The following ZNF700 variants were observed in gnomAD, a reference collection of about 807,000 sequenced individuals.
ZNF700 encodes the protein zinc finger protein 700.
A neutral mutation model predicts 65.3 loss-of-function variants in ZNF700; 38 were observed. That is an observed-to-expected ratio of 0.58 (90% CI 0.45 to 0.76). ZNF700 has a LOEUF of 0.76. ZNF700 is among the 30% of genes least tolerant of loss of function. The probability of loss-of-function intolerance (pLI) is 0.00; values close to 1 mark genes in which losing one functional copy is unlikely to be tolerated. For missense variants in ZNF700, 857 were observed against 888.4 expected (o/e 0.96, Z 0.45); for synonymous variants, 285 against 290.4 (o/e 0.98, Z 0.19).
intron 1 of ZNF700, among the ~76,000 whole-genome samples, chr19:11,943,462 C>T (rs185128117): frequency 8.5e-5 from 13 of 152,258 alleles, no homozygotes; most frequent in South Asian, 4.1e-4. Flanking sequence ...CCATATGATC[C>T]GGTTGAGCAT....
At chr19:11,944,147 T>A (rs1363227495) in intron 1 of ZNF700, among the ~76,000 whole-genome samples, 3 of 152,188 alleles carry the variant, frequency 2.0e-5, no homozygotes, top group Non-Finnish European at 4.4e-5. Flanking sequence ...GTTTCTCGTT[T>A]ACCTAGGCTG....
At chr19:11,926,699 T>G (rs1972634379) in intron 1 of ZNF700, 2 of 154,262 alleles carry the variant, frequency 1.3e-5, no homozygotes, top group South Asian at 4.1e-4. Flanking sequence ...AGAGGTATGT[T>G]TTTATTTTTA....
chr19:11,927,286 A>G (rs960910899), intron 1 of ZNF700, among the ~76,000 whole-genome samples: 1 of 152,068 alleles, frequency 6.6e-6, no homozygotes, highest in African/African-American at 2.4e-5. Context: ...CCCCAGAGGC[A>G]GAGGTTGCAG....
intron 1 of ZNF700, among the ~76,000 whole-genome samples, chr19:11,928,656 C>T (rs1423663465): frequency 7.0e-6 from 1 of 142,360 alleles, no homozygotes; most frequent in Non-Finnish European, 1.5e-5. Context: ...GGCGTGAACC[C>T]GGGAGGCGGA....
At chr19:11,947,772 G>A (rs1358239461) in intron 3 of ZNF700, among the ~76,000 whole-genome samples, 198 bp downstream of exon 3, 1 of 152,216 alleles carries the variant, frequency 6.6e-6, no homozygotes, top group African/African-American at 2.4e-5. Flanking sequence ...TTGAGAAGTG[G>A]AGATAGGAGG....
chr19:11,925,327 G>A, intron 1 of ZNF700, 54 bp downstream of exon 1: 7 of 1,600,796 alleles, frequency 4.4e-6, no homozygotes, highest in Non-Finnish European at 6.0e-6. Context: ...CCTGGAACAG[G>A]CGGGAACCGG....
Position 11,950,363 on chromosome 19 carries a change from G to A in ZNF700, c.*110G>A. 8.9e-7 allele frequency: 1 copy of A among 1,125,290 alleles called. No individual in the cohort carries two copies. Among genetic ancestry groups the A allele is most frequent in the Non-Finnish European group, 1.3e-6 (1 of 762,106 alleles). The allele number at this position is 1,125,290 out of a possible 1,614,324, so 69.7% of individuals were successfully genotyped here. On this transcript the variant is annotated 3_prime_UTR_variant, in exon 4 of 4. Coordinates refer to ENST00000254321, the MANE Select transcript of ZNF700 (RefSeq NM_144566.3). Reference sequence around the variant, plus strand: ...TCCAGTTCTTTTCGATATCATGAAAGGACTCACACTGGGGAGAAACCCTAT... The same window carrying A: ...TCCAGTTCTTTTCGATATCATGAAAAGACTCACACTGGGGAGAAACCCTAT...
rs1160020116 is a variant in ZNF700 at position 11,934,717 on chromosome 19, A to G, written c.63+9444A>G. On this transcript the variant is annotated intron_variant, in intron 1 of 3. Transcript: ENST00000254321. ...AATTTTTGTATTATTAGTAGAGATG[A>G]GGTTTTACCATGTTGGCCAGGCAGG... 2.0e-5 allele frequency among the ~76,000 whole-genome samples: 3 copies of G among 147,074 alleles called. 1 individual carries two copies. Among genetic ancestry groups the G allele is most frequent in the African/African-American group, 8.1e-5 (3 of 37,204 alleles).
Position 11,947,222 on chromosome 19 carries a change from G to T in ZNF700, c.105G>T (p.Gln35His), listed in dbSNP as rs769194963. The change falls in exon 2 of 4, where the codon CAG becomes CAT. Residue 35 changes from glutamine (Q) to histidine (H), a missense_variant. By Grantham distance (24) the Gln-to-His change is conservative. Transcript: ENST00000254321. The part of the protein sequence containing the change: ...AFEDVAVNFT[Q>H]EEWTLLDISQ... The stretch of plus-strand genomic sequence containing the variant: ...AGGATGTGGCTGTGAACTTCACCCA[G>T]GAAGAGTGGACATTGCTGGATATTT... 4 of 1,614,038 alleles carry T rather than the reference G, an allele frequency of 2.5e-6. No homozygotes were observed. The Admixed American group carries it at 6.7e-5, about 27-fold the overall frequency.
intron 1 of ZNF700, among the ~76,000 whole-genome samples, chr19:11,942,770 G>A (rs1972905581): frequency 6.6e-6 from 1 of 152,214 alleles, no homozygotes; most frequent in Non-Finnish European, 1.5e-5. Context: ...TAGGTCAGGA[G>A]TTGATTTTTA....
intron 1 of ZNF700, among the ~76,000 whole-genome samples, chr19:11,944,078 G>T (rs557586957): frequency 3.2e-4 from 49 of 152,290 alleles, no homozygotes; most frequent in African/African-American, 1.2e-3. Flanking sequence ...TCCAGTCCTT[G>T]ATCCACACTC....
At position 11,932,030 on chromosome 19, in the gene ZNF700, G is replaced by A. The variant is rs1250492988; in HGVS notation, c.63+6757G>A. Among the ~76,000 whole-genome samples, 3 of 147,388 alleles carry A rather than the reference G, an allele frequency of 2.0e-5. 1 individual carries two copies. Among genetic ancestry groups the A allele is most frequent in the African/African-American group, 5.3e-5 (2 of 37,440 alleles). ...CTCAGGAGGCTGAGGCAGGAGAATC[G>A]CTTGAACCTGGGAGGTGGAGGTTGC... On this transcript the variant is annotated intron_variant, in intron 1 of 3. Transcript: ENST00000254321.
intron 2 of ZNF700, 70 bp from the exon 3 acceptor site, chr19:11,947,444 G>A (rs552938598): frequency 7.7e-5 from 123 of 1,600,008 alleles, no homozygotes; most frequent in Non-Finnish European, 1.0e-4. Context: ...TAAATCATGG[G>A]CACAGAATCT....
At position 11,950,116 on chromosome 19, in the gene ZNF700, C is replaced by G; in HGVS notation, c.2092C>G (p.His698Asp). Residue 698 changes from histidine to aspartate, a missense_variant, in exon 4 of 4, where the codon CAC becomes GAC. By Grantham distance (81) the His-to-Asp change is moderately conservative. Transcript: ENST00000254321. ...AKILQIHARTHIGEKHYECKE... is the reference protein window; with the variant it reads ...AKILQIHARTDIGEKHYECKE... ...GATTCTTCAAATACATGCAAGAACA[C>G]ACATTGGAGAGAAACACTATGAATG... is the stretch of plus-strand genomic sequence containing the variant. 6.2e-7 allele frequency: 1 copy of G among 1,614,162 alleles called. No homozygotes were observed. Among genetic ancestry groups the G allele is most frequent in the Non-Finnish European group, 8.5e-7 (1 of 1,180,020 alleles).
Position 11,949,383 on chromosome 19 carries a change from A to G in ZNF700, c.1359A>G (p.Lys453=). ...EKPYECKECG[K]AFRSTSHLRV... ...CCTATGAATGTAAGGAATGTGGGAA[A>G]GCCTTCAGATCTACCTCACACCTTC... Residue 453 remains lysine (K), a synonymous_variant, in exon 4 of 4, where the codon AAA becomes AAG. Coordinates refer to ENST00000254321, the MANE Select transcript of ZNF700 (RefSeq NM_144566.3). 6.2e-7 allele frequency: 1 copy of G among 1,613,908 alleles called. No homozygotes were observed. The highest frequency in any genetic ancestry group is 1.3e-5 in the African/African-American group (1 of 74,976).
intron 1 of ZNF700, among the ~76,000 whole-genome samples, chr19:11,938,378 T>A (rs963921346): frequency 1.3e-5 from 2 of 152,118 alleles, no homozygotes; most frequent in Non-Finnish European, 1.5e-5. Context: ...ATGCTATCCC[T>A]CTCCCTTCCC....
chr19:11,928,573 A>C (rs1313420945), intron 1 of ZNF700, among the ~76,000 whole-genome samples: 2 of 149,644 alleles, frequency 1.3e-5, no homozygotes, highest in East Asian at 1.9e-4. Context: ...TCTACTAAAA[A>C]TACAAAAAAT....
intron 1 of ZNF700, among the ~76,000 whole-genome samples, chr19:11,931,580 C>G (rs73506894): frequency 6.8e-6 from 1 of 147,492 alleles, no homozygotes; most frequent in Admixed American, 6.6e-5. Context: ...CTATTTCAGT[C>G]TTTAGAAGTA....
rs1568297053 is a variant in ZNF700 at position 11,947,497 on chromosome 19, CT to C, written c.191-16del. ...TTTATACTGCTTCAGGACTATTTTT[CT>C]GTGTCTGTATTTTAGGAAAAAAATG... is the stretch of plus-strand genomic sequence containing the variant. On this transcript the variant is annotated splice_polypyrimidine_tract_variant and intron_variant, in intron 2 of 3. Transcript: ENST00000254321. The C allele has an allele frequency of 6.2e-7, 1 of 1,610,962 alleles. No homozygotes were observed. The highest frequency in any genetic ancestry group is 1.7e-5 in the Admixed American group (1 of 59,312).
Sources: allele counts gnomAD v4.1 joint callset (sites outside exome capture counted in the v4.1 genomes callset), GRCh38; gene constraint gnomAD v4.1.1; transcripts MANE v1.5; gene names NCBI Gene and HGNC (gene_info 2026-07-23, HGNC 2026-07-21).